NDFIP1: variants seen among roughly 807,000 people sequenced by gnomAD.
NDFIP1 encodes Nedd4 family interacting protein 1.
Under a neutral mutation model 28.8 loss-of-function variants are expected in NDFIP1, and 7 were observed. The observed-to-expected ratio is 0.24, with a 90% CI of 0.14 to 0.46. The LOEUF (loss-of-function observed/expected upper bound fraction) is 0.46, where lower values mean the gene tolerates loss of function less well. Ranked by LOEUF, NDFIP1 falls within the 20% of genes least tolerant of loss-of-function variation. The pLI, the probability that NDFIP1 is intolerant of heterozygous loss-of-function variation, is 0.99. For missense variants in NDFIP1, 194 were observed against 269.1 expected, an observed-to-expected ratio of 0.72 and a Z score of 1.95; for synonymous variants, 92 against 101.0, an observed-to-expected ratio of 0.91 and a Z score of 0.53.
At chr5:142,145,799 G>C (rs1388125758) in intron 7 of NDFIP1, among the ~76,000 whole-genome samples, 1 of 152,138 alleles carries the variant, frequency 6.6e-6, no homozygotes, top group Non-Finnish European at 1.5e-5. Flanking sequence ...AATTGATAGA[G>C]CCAGCGACAT....
chr5:142,149,601 C>G (rs1019017472), intron 7 of NDFIP1, among the ~76,000 whole-genome samples: 1 of 152,108 alleles, frequency 6.6e-6, no homozygotes, highest in African/African-American at 2.4e-5. Context: ...AGCAGTCTTT[C>G]ATTTGGAGAT....
rs56227585 is a variant in NDFIP1 at position 142,137,070 on chromosome 5, CAAAAAAAAAAAAA to C, written c.371-654_371-642del. On this transcript the variant is annotated intron_variant, in intron 4 of 7. Transcript: ENST00000253814. Reference sequence around the variant, plus strand: ...TGGGTGACAGAGTGAGACTCAGTCTCAAAAAAAAAAAAAAAAAAAAAAGCAGAGGTTGTAAGTA... The same window carrying C: ...TGGGTGACAGAGTGAGACTCAGTCTCAAAAAAAAAGCAGAGGTTGTAAGTA... Among the ~76,000 whole-genome samples the C allele has an allele frequency of 4.7e-4, 45 of 95,018 alleles. 1 individual carries two copies. The highest frequency in any genetic ancestry group is 1.6e-3 in the Admixed American group (14 of 8,708). 62.3% of individuals were successfully genotyped at this position (95,018 alleles called of 152,430 possible).
At position 142,135,767 on chromosome 5, in the gene NDFIP1, C is replaced by T. The variant is rs574308964; in HGVS notation, c.320C>T (p.Ala107Val). 1 of 1,613,724 alleles carries T rather than the reference C, an allele frequency of 6.2e-7. No individual in the cohort carries two copies. The highest frequency in any genetic ancestry group is 1.7e-5 in the Admixed American group (1 of 60,012). ...DFVGRDDFDD[A>V]DQLRIGNDGI... ...GTGGGTCGGGATGATTTTGATGATG[C>T]TGACCAGCTGAGGATAGGAAATGAT... Residue 107 changes from alanine (A) to valine (V), a missense_variant, in exon 4 of 8, where the codon GCT (alanine) becomes GTT (valine). Coordinates refer to ENST00000253814, the MANE Select transcript of NDFIP1 (RefSeq NM_030571.4).
chr5:142,149,167 A>C (rs1316575889), intron 7 of NDFIP1, among the ~76,000 whole-genome samples: 1 of 152,158 alleles, frequency 6.6e-6, no homozygotes, highest in Non-Finnish European at 1.5e-5. Context: ...TTAGGCATCA[A>C]ATATTTTAAT....
intron 1 of NDFIP1, among the ~76,000 whole-genome samples, chr5:142,124,549 T>C (rs1757151388): frequency 6.6e-6 from 1 of 152,160 alleles, no homozygotes; most frequent in Admixed American, 6.5e-5. Context: ...CCACAAAAAT[T>C]TTAAATAGAA....
chr5:142,153,108 A>G lies in NDFIP1; in HGVS notation c.*1380A>G, dbSNP rs961135178. ...TTTCCAGTGTTTTCTGCATGTTCTC[A>G]TTTGTTCTTTTTCTCAGTTGAATGC... On this transcript the variant is annotated 3_prime_UTR_variant, in exon 8 of 8. Coordinates refer to ENST00000253814, the MANE Select transcript of NDFIP1 (RefSeq NM_030571.4). The G allele has an allele frequency of 2.9e-6, 1 of 350,446 alleles. No individual in the cohort carries two copies. The highest frequency in any genetic ancestry group is 2.1e-5 in the African/African-American group (1 of 46,606). The allele number at this position is 350,446 out of a possible 1,614,324, so 21.7% of individuals were successfully genotyped here. A position where few individuals can be genotyped will look rare whatever the true frequency, so the allele number is the denominator to read the frequency against.
At position 142,132,356 on chromosome 5, in the gene NDFIP1, G is replaced by A. The variant is rs376829213; in HGVS notation, c.282+14G>A. 19 of 1,604,288 alleles carry A rather than the reference G, an allele frequency of 1.2e-5. No homozygotes were observed. The African/African-American group carries it at 2.0e-4, about 17-fold the overall frequency. On this transcript the variant is annotated intron_variant, in intron 3 of 7. Coordinates refer to ENST00000253814, the MANE Select transcript of NDFIP1 (RefSeq NM_030571.4). The stretch of plus-strand genomic sequence containing the variant: ...GTTCCTGGGAGAGTGAGTATAATTT[G>A]CCATGTTACTTGATGGCTGCTCTGT...
At chr5:142,125,109 C>T (rs1426458770) in intron 1 of NDFIP1, among the ~76,000 whole-genome samples, 4 of 151,984 alleles carry the variant, frequency 2.6e-5, no homozygotes, top group African/African-American at 7.2e-5. Flanking sequence ...TACCCACACC[C>T]GGCCTCTTGT....
chr5:142,146,302 C>G (rs925896810), intron 7 of NDFIP1, among the ~76,000 whole-genome samples: 2 of 152,188 alleles, frequency 1.3e-5, no homozygotes, highest in African/African-American at 4.8e-5. Flanking sequence ...ACAGTCTGGA[C>G]ACAGATGGAT....
chr5:142,116,366 C>G (rs1757068407), intron 1 of NDFIP1, among the ~76,000 whole-genome samples: 2 of 149,832 alleles, frequency 1.3e-5, no homozygotes, highest in Admixed American at 1.3e-4. Context: ...CTCTCTCTCT[C>G]TCTCTCTTTC....
intron 1 of NDFIP1, among the ~76,000 whole-genome samples, chr5:142,112,508 C>G (rs1393060791): frequency 1.4e-5 from 2 of 145,552 alleles, no homozygotes; most frequent in Non-Finnish European, 3.0e-5. Flanking sequence ...CACTGTACTC[C>G]AGGTTGGGTG....
intron 1 of NDFIP1, among the ~76,000 whole-genome samples, chr5:142,117,704 C>T (rs1757083383): frequency 1.4e-5 from 2 of 145,486 alleles, no homozygotes; most frequent in Admixed American, 6.9e-5. Flanking sequence ...AACTGCTCCT[C>T]AAGTTTGGTG....
intron 1 of NDFIP1, among the ~76,000 whole-genome samples, chr5:142,111,766 A>C (rs980228211): frequency 6.6e-6 from 1 of 152,240 alleles, no homozygotes; most frequent in African/African-American, 2.4e-5. Context: ...GTGACAGACT[A>C]TGCAGAAAGG....
At position 142,153,563 on chromosome 5, in the gene NDFIP1, A is replaced by G; in HGVS notation, c.*1835A>G. On this transcript the variant is annotated 3_prime_UTR_variant, in exon 8 of 8. Coordinates refer to ENST00000253814, the MANE Select transcript of NDFIP1 (RefSeq NM_030571.4). ...TGTAGTGTGTTCTTTTTCAGAAGTT[A>G]TATTTGATAATAGAGAAGGGAGTTT... The G allele has an allele frequency of 3.6e-6, 1 of 275,180 alleles. No homozygotes were observed. The highest frequency in any genetic ancestry group is 3.6e-5 in the South Asian group (1 of 27,834). 17.0% of individuals were successfully genotyped at this position (275,180 alleles called of 1,614,324 possible).
intron 6 of NDFIP1, 86 bp from the exon 7 acceptor site, chr5:142,144,483 ATG>A (rs778680705): frequency 1.5e-4 from 133 of 909,812 alleles, no homozygotes; most frequent in Non-Finnish European, 2.1e-4. Context: ...AAAAATAACA[ATG>A]TATCGCTATC....
chr5:142,121,848 T>C (rs958776181), intron 1 of NDFIP1, among the ~76,000 whole-genome samples: 2 of 152,230 alleles, frequency 1.3e-5, no homozygotes, highest in South Asian at 4.1e-4. Flanking sequence ...TTTCTTCAGC[T>C]AAGTTTCTGT....
At chr5:142,147,214 A>T (rs1444238582) in intron 7 of NDFIP1, among the ~76,000 whole-genome samples, 1 of 152,194 alleles carries the variant, frequency 6.6e-6, no homozygotes, top group African/African-American at 2.4e-5. Context: ...TAGAATTCTA[A>T]TGACTTCACT....
At chr5:142,136,670 G>A (rs1449158450) in intron 4 of NDFIP1, among the ~76,000 whole-genome samples, 7 of 145,826 alleles carry the variant, frequency 4.8e-5, no homozygotes, top group East Asian at 4.1e-4. Flanking sequence ...CAGGAGAATC[G>A]ATTGAACCCG....
At chr5:142,147,599 T>C (rs1462397443) in intron 7 of NDFIP1, among the ~76,000 whole-genome samples, 1 of 152,178 alleles carries the variant, frequency 6.6e-6, no homozygotes, top group Non-Finnish European at 1.5e-5. Context: ...TGTTGCAGCA[T>C]TGTTAATTAT....
Sources: gnomAD v4.1 joint callset for allele counts (sites outside exome capture counted in the v4.1 genomes callset) on GRCh38, gnomAD v4.1.1 for gene constraint, MANE v1.5 for transcripts, NCBI Gene and HGNC (gene_info 2026-07-23, HGNC 2026-07-21) for gene names.